The following PLD5 variants were observed in gnomAD, a reference collection of about 807,000 sequenced individuals.
PLD5 encodes the protein inactive phospholipase D5.
PLD5 carries 36 observed loss-of-function variants against 61.1 expected under a neutral mutation model. The observed-to-expected ratio is 0.59, with a 90% confidence interval of 0.45 to 0.78. The LOEUF (loss-of-function observed/expected upper bound fraction) is 0.78, where lower values mean the gene tolerates loss of function less well. Among genes scored for constraint, PLD5 ranks in the 30% least tolerant of loss-of-function variants. The pLI is 0.00. For missense variants in PLD5, 515 were observed against 644.4 expected (o/e 0.80, Z 2.17); for synonymous variants, 243 against 242.8 (o/e 1.00, Z -0.01).
intron 2 of PLD5, among the ~76,000 whole-genome samples, chr1:242,324,148 C>T (rs552815455): frequency 1.3e-5 from 2 of 152,010 alleles, no homozygotes; most frequent in African/African-American, 4.8e-5. Context: ...GTTGTAAATG[C>T]ATTTAAAGAG....
At chr1:242,301,934 C>T (rs60379620) in intron 2 of PLD5, among the ~76,000 whole-genome samples, 2 of 151,886 alleles carry the variant, frequency 1.3e-5, no homozygotes, top group Non-Finnish European at 2.9e-5. Context: ...CCTGCCACCA[C>T]ACCCGGCTAA....
intron 3 of PLD5, among the ~76,000 whole-genome samples, chr1:242,266,251 C>T (rs71498830): frequency 4.3e-4 from 65 of 152,002 alleles, no homozygotes; most frequent in Non-Finnish European, 5.9e-4. Context: ...CATGGTGGTG[C>T]GCACTTTTAT....
chr1:242,117,423 C>T (rs925058037), intron 6 of PLD5, among the ~76,000 whole-genome samples: 16 of 152,074 alleles, frequency 1.1e-4, no homozygotes, highest in Non-Finnish European at 1.6e-4. Flanking sequence ...GCTCTGTTGC[C>T]CAGGCTGGAC....
At chr1:242,241,807 A>C (rs2149062632) in intron 4 of PLD5, among the ~76,000 whole-genome samples, 1 of 144,936 alleles carries the variant, frequency 6.9e-6, no homozygotes, top group African/African-American at 2.5e-5. Context: ...TGCCTCTAGG[A>C]CCTCTACCAG....
At chr1:242,180,076 G>T (rs1667424859) in intron 5 of PLD5, among the ~76,000 whole-genome samples, 1 of 152,176 alleles carries the variant, frequency 6.6e-6, no homozygotes, top group South Asian at 2.1e-4. Context: ...GCAGGGTAAT[G>T]CTTATGCAGG....
intron 3 of PLD5, among the ~76,000 whole-genome samples, chr1:242,283,588 T>C (rs552262269): frequency 3.9e-5 from 6 of 152,354 alleles, no homozygotes; most frequent in South Asian, 4.1e-4. Context: ...GCTGTGAACC[T>C]GACACATTTT....
intron 1 of PLD5, among the ~76,000 whole-genome samples, chr1:242,396,302 C>T (rs1572061468): frequency 6.6e-6 from 1 of 152,010 alleles, no homozygotes. Context: ...AACTAGAGAG[C>T]CAACTATTTT....
chr1:242,281,277 A>C (rs1342869461), intron 3 of PLD5, among the ~76,000 whole-genome samples: 1 of 152,138 alleles, frequency 6.6e-6, no homozygotes, highest in Non-Finnish European at 1.5e-5. Flanking sequence ...CATTGATCGC[A>C]TCAGTTAGGA....
intron 3 of PLD5, among the ~76,000 whole-genome samples, chr1:242,268,800 C>T (rs1025139782): frequency 2.0e-5 from 3 of 152,124 alleles, no homozygotes; most frequent in African/African-American, 7.2e-5. Flanking sequence ...CAGAGATCTG[C>T]AGTAAGGCCT....
Position 242,183,004 on chromosome 1 carries a change from C to T in PLD5, c.735+36984G>A, listed in dbSNP as rs1667621986. 3.9e-5 allele frequency among the ~76,000 whole-genome samples: 6 copies of T among 152,218 alleles called. No homozygotes were observed. The South Asian group carries it at 1.0e-3, about 26-fold the overall frequency. ...TGATATAATTTCCACTAACTCCATC[C>T]CTAACTCAAGTATTCATTTCAAAAC... On this transcript the variant is annotated intron_variant, in intron 5 of 9. Coordinates refer to ENST00000536534, the MANE Select transcript of PLD5 (RefSeq NM_001372062.1).
chr1:242,351,693 T>C (rs1023028666), intron 1 of PLD5, among the ~76,000 whole-genome samples: 3 of 152,188 alleles, frequency 2.0e-5, no homozygotes, highest in African/African-American at 7.2e-5. Context: ...TAATACAGCA[T>C]CCTTCTGAGA....
intron 1 of PLD5, among the ~76,000 whole-genome samples, chr1:242,482,065 C>T (rs988451385): frequency 6.6e-6 from 1 of 152,144 alleles, no homozygotes; most frequent in African/African-American, 2.4e-5. Flanking sequence ...CTGTATGTCA[C>T]CATCATCAAA....
Position 242,163,921 on chromosome 1 carries a change from G to GTA in PLD5, c.736-39257_736-39256insTA, listed in dbSNP as rs1272400391. 8.2e-3 allele frequency among the ~76,000 whole-genome samples: 1,103 copies of GTA among 134,770 alleles called. 13 individuals carry two copies. Among genetic ancestry groups the GTA allele is most frequent in the African/African-American group, 0.029 (1,036 of 35,970 alleles). 88.4% of individuals were successfully genotyped at this position (134,770 alleles called of 152,430 possible). A position where few individuals can be genotyped will look rare whatever the true frequency, so the allele number is the denominator to read the frequency against. ...AGAGAGAGTTATAAAATGTGTGTGT[G>GTA]TGTATATATATACATTCCAGCAGAT... On this transcript the variant is annotated intron_variant, in intron 5 of 9. Coordinates refer to ENST00000536534, the MANE Select transcript of PLD5 (RefSeq NM_001372062.1).
At chr1:242,423,788 T>C (rs2102876163) in intron 1 of PLD5, among the ~76,000 whole-genome samples, 1 of 152,270 alleles carries the variant, frequency 6.6e-6, no homozygotes, top group Admixed American at 6.5e-5. Flanking sequence ...TCATATTCAC[T>C]GCTCCCCCTC....
intron 5 of PLD5, among the ~76,000 whole-genome samples, chr1:242,127,111 T>A (rs1662851463): frequency 6.6e-6 from 1 of 152,130 alleles, no homozygotes; most frequent in Admixed American, 6.6e-5. Context: ...TGATACCACC[T>A]TACTCCTGCA....
At chr1:242,207,245 C>A (rs977643896) in intron 5 of PLD5, among the ~76,000 whole-genome samples, 2 of 152,120 alleles carry the variant, frequency 1.3e-5, no homozygotes, top group African/African-American at 4.8e-5. Context: ...ACCTTCACAC[C>A]CTCATAATTC....
chr1:242,351,552 GC>G (rs2149224511), intron 1 of PLD5, among the ~76,000 whole-genome samples: 1 of 152,262 alleles, frequency 6.6e-6, no homozygotes, highest in Admixed American at 6.5e-5. Context: ...TGTAAGATGT[GC>G]CTTTGCTCCT....
chr1:242,453,716 G>GA (rs1470108477), intron 1 of PLD5, among the ~76,000 whole-genome samples: 2 of 152,170 alleles, frequency 1.3e-5, no homozygotes, highest in Non-Finnish European at 2.9e-5. Context: ...AGAATTTAGA[G>GA]AAAATGCAGA....
chr1:242,173,757 A>C (rs927495061), intron 5 of PLD5, among the ~76,000 whole-genome samples: 8 of 152,134 alleles, frequency 5.3e-5, no homozygotes, highest in African/African-American at 1.4e-4. Context: ...ATCTACAACC[A>C]TCTGATCTTT....
Sources: allele counts gnomAD v4.1 joint callset (sites outside exome capture counted in the v4.1 genomes callset), GRCh38; gene constraint gnomAD v4.1.1; transcripts MANE v1.5; gene names NCBI Gene and HGNC (gene_info 2026-07-23, HGNC 2026-07-21).